Variants in RIMBP2 observed in about 807,000 individuals in gnomAD.
RIMBP2 encodes the protein RIMS binding protein 2.
A neutral mutation model predicts 118.6 loss-of-function variants in RIMBP2; 48 were observed. That is an observed-to-expected ratio of 0.40 (90% CI 0.32 to 0.51). The LOEUF is 0.51. Ranked by LOEUF, RIMBP2 falls within the 20% of genes least tolerant of loss-of-function variation. The pLI, the probability that RIMBP2 is intolerant of heterozygous loss-of-function variation, is 0.41. For synonymous variants in RIMBP2, 762 were observed against 742.9 expected (o/e 1.03, Z -0.42); for missense variants, 1,551 against 1,768.3 (o/e 0.88, Z 2.20).
At position 130,442,829 on chromosome 12, in the gene RIMBP2, C is replaced by G. The variant is rs929480557; in HGVS notation, c.692-169G>C. 1.3e-5 allele frequency among the ~76,000 whole-genome samples: 2 copies of G among 152,236 alleles called. No individual in the cohort carries two copies. Among genetic ancestry groups the G allele is most frequent in the Admixed American group, 6.5e-5 (1 of 15,282 alleles). On this transcript the variant is annotated intron_variant, in intron 10 of 22. Transcript: ENST00000690449. The surrounding 1 kb of genome is among the most constrained non-coding windows in gnomAD (Gnocchi z 6.9). ...ATGCTGGGGCCAGCTCCACACCCACCATCTAAAGAGCCAGCTCCTCCATCC... is the reference window on the plus strand; with the variant it reads ...ATGCTGGGGCCAGCTCCACACCCACGATCTAAAGAGCCAGCTCCTCCATCC...
rs374387548 is a variant in RIMBP2 at position 130,497,492 on chromosome 12, G to A, written c.-4+9156C>T. On this transcript the variant is annotated intron_variant, in intron 4 of 22. Transcript: ENST00000690449. ...CAGCTGTCGCTCTACCGCATCCGAC[G>A]AACAGAACTGTCTCACGGGCCATGG... 2.6e-4 allele frequency among the ~76,000 whole-genome samples: 39 copies of A among 152,296 alleles called. No individual in the cohort carries two copies. The South Asian group carries it at 6.6e-3, about 26-fold the overall frequency.
intron 1 of RIMBP2, among the ~76,000 whole-genome samples, chr12:130,677,890 C>T (rs1431109067): frequency 2.0e-5 from 3 of 152,252 alleles, no homozygotes; most frequent in African/African-American, 7.2e-5. Flanking sequence ...ATTTCTCCAT[C>T]GCACCCAGAT....
At chr12:130,425,178 C>T (rs1373410543) in intron 15 of RIMBP2, 6 of 246,478 alleles carry the variant, frequency 2.4e-5, no homozygotes, top group East Asian at 7.5e-5. Flanking sequence ...ACAGTGCCCA[C>T]GGTACCGCTG....
At chr12:130,411,705 G>A (rs2075729013) in intron 19 of RIMBP2, among the ~76,000 whole-genome samples, 2 of 152,136 alleles carry the variant, frequency 1.3e-5, no homozygotes, top group South Asian at 4.1e-4. Flanking sequence ...AGTGAGTAGA[G>A]GGGATAAAGG....
chr12:130,622,911 A>G lies in RIMBP2; in HGVS notation c.-217+5411T>C, dbSNP rs184210951. 3.3e-5 allele frequency among the ~76,000 whole-genome samples: 5 copies of G among 152,338 alleles called. No individual in the cohort carries two copies. The highest frequency in any genetic ancestry group is 2.0e-4 in the Admixed American group (3 of 15,308). Reference sequence around the variant, plus strand: ...GGCATCGAGTAAACAGTTCTTGCCTACTAAGCCCTGCAGGTAGGAACAAGA... The same window carrying G: ...GGCATCGAGTAAACAGTTCTTGCCTGCTAAGCCCTGCAGGTAGGAACAAGA... On this transcript the variant is annotated intron_variant, in intron 2 of 22. Transcript: ENST00000690449. This position sits in a 1 kb window ranked among gnomAD's most constrained non-coding sequence, Gnocchi z 8.5.
At chr12:130,537,793 G>A (rs999705419) in intron 2 of RIMBP2, among the ~76,000 whole-genome samples, 1 of 152,222 alleles carries the variant, frequency 6.6e-6, no homozygotes, top group African/African-American at 2.4e-5. Context: ...GAGGAAATGA[G>A]TTTGCCTATC....
intron 1 of RIMBP2, among the ~76,000 whole-genome samples, chr12:130,673,930 G>T (rs1478209918): frequency 7.0e-6 from 1 of 143,798 alleles, no homozygotes; most frequent in Non-Finnish European, 1.5e-5. Flanking sequence ...CCAACACGGT[G>T]AAACCCCATC....
chr12:130,494,514 C>T (rs2048951398), intron 4 of RIMBP2, among the ~76,000 whole-genome samples: 1 of 152,172 alleles, frequency 6.6e-6, no homozygotes, highest in Non-Finnish European at 1.5e-5. Context: ...TGGCAGGCAC[C>T]TGTAATCCCA....
At chr12:130,460,744 T>C (rs2079905771) in intron 6 of RIMBP2, among the ~76,000 whole-genome samples, 1 of 152,130 alleles carries the variant, frequency 6.6e-6, no homozygotes, top group African/African-American at 2.4e-5. Flanking sequence ...CCAGCCACTG[T>C]CCTTGCTTCC....
Position 130,527,002 on chromosome 12 carries a change from GT to G in RIMBP2, c.-216-9086del, listed in dbSNP as rs1184327456. Among the ~76,000 whole-genome samples, 5 of 152,186 alleles carry G rather than the reference GT, an allele frequency of 3.3e-5. No homozygotes were observed. In the South Asian group the frequency reaches 1.0e-3, roughly 32 times the overall value. On this transcript the variant is annotated intron_variant, in intron 2 of 22. Coordinates refer to ENST00000690449, the MANE Select transcript of RIMBP2 (RefSeq NM_001393629.1). ...GAAACCACAGGGTGGAAGGCGAGTGGTTGCTGCTGTCCAGGGTCCTGATGGT... is the reference window on the plus strand; with the variant it reads ...GAAACCACAGGGTGGAAGGCGAGTGGTGCTGCTGTCCAGGGTCCTGATGGT...
At chr12:130,562,556 T>C (rs929836084) in intron 2 of RIMBP2, among the ~76,000 whole-genome samples, 1 of 152,202 alleles carries the variant, frequency 6.6e-6, no homozygotes, top group South Asian at 2.1e-4. Flanking sequence ...GAAGCTCACA[T>C]AGAAGAAAGA....
Position 130,547,766 on chromosome 12 carries a change from A to G in RIMBP2, c.-216-29849T>C, listed in dbSNP as rs553213280. ...GGAGATCTCAGAGCAAAGCACGATC[A>G]CAGAAAACTGCCTACGCTCGTTCCC... On this transcript the variant is annotated intron_variant, in intron 2 of 22. Coordinates refer to ENST00000690449, the MANE Select transcript of RIMBP2 (RefSeq NM_001393629.1). Among the ~76,000 whole-genome samples, 373 of 152,362 alleles carry G rather than the reference A, an allele frequency of 2.4e-3. 2 individuals carry two copies. The highest frequency in any genetic ancestry group is 5.8e-3 in the Admixed American group (89 of 15,296).
intron 2 of RIMBP2, among the ~76,000 whole-genome samples, chr12:130,572,116 C>G (rs887504612): frequency 6.6e-6 from 1 of 152,204 alleles, no homozygotes; most frequent in African/African-American, 2.4e-5. Flanking sequence ...TGCTCCACCC[C>G]CAGTGCGTGA....
intron 2 of RIMBP2, among the ~76,000 whole-genome samples, chr12:130,560,156 C>T (rs573705219): frequency 1.3e-5 from 2 of 152,186 alleles, no homozygotes; most frequent in Non-Finnish European, 2.9e-5. Context: ...GTTCTAAAGG[C>T]AAAGTATTAT....
intron 2 of RIMBP2, among the ~76,000 whole-genome samples, chr12:130,536,549 A>C (rs1387888348): frequency 1.3e-5 from 2 of 152,094 alleles, no homozygotes; most frequent in Non-Finnish European, 2.9e-5. Flanking sequence ...GCCATAGTCA[A>C]CCCCTGGGCA....
intron 2 of RIMBP2, among the ~76,000 whole-genome samples, chr12:130,605,634 T>TA (rs2060137791): frequency 6.6e-6 from 1 of 152,090 alleles, no homozygotes; most frequent in African/African-American, 2.4e-5. Context: ...AATAACTCAG[T>TA]AAAAAAATAG....
chr12:130,405,314 G>A (rs1039665588), intron 21 of RIMBP2, among the ~76,000 whole-genome samples: 8 of 152,320 alleles, frequency 5.3e-5, no homozygotes, highest in Middle Eastern at 3.4e-3. Context: ...AGGCAGAGGA[G>A]AGAGCCTGGG....
At position 130,424,391 on chromosome 12, in the gene RIMBP2, C is replaced by T. The variant is rs1192956788; in HGVS notation, c.2880G>A (p.Arg960=). Residue 960 remains arginine, a synonymous_variant, in exon 16 of 23, where the codon CGG becomes CGA. Transcript: ENST00000690449. This position sits in a 1 kb window ranked among gnomAD's most constrained non-coding sequence, Gnocchi z 9.8. Reference sequence around the variant, plus strand: ...TGCTCTGCCGGGTCAGCGTCCGCCGCCGGGCCAGCAGCGGCCTCGGGCCCC... The same window carrying T: ...TGCTCTGCCGGGTCAGCGTCCGCCGTCGGGCCAGCAGCGGCCTCGGGCCCC... ...CRRGPRPLLA[R]RRTLTRQSSV... 4.1e-6 allele frequency: 5 copies of T among 1,232,614 alleles called. No homozygotes were observed. The highest frequency in any genetic ancestry group is 6.3e-5 in the East Asian group (2 of 31,708). 76.4% of individuals were successfully genotyped at this position (1,232,614 alleles called of 1,614,324 possible).
intron 1 of RIMBP2, among the ~76,000 whole-genome samples, chr12:130,691,935 T>C (rs1361216100): frequency 6.6e-6 from 1 of 152,096 alleles, no homozygotes; most frequent in East Asian, 1.9e-4. Context: ...GACGGGTTTC[T>C]AGAACGAGGA....
Sources: gnomAD v4.1 joint callset for allele counts (sites outside exome capture counted in the v4.1 genomes callset) on GRCh38, gnomAD v4.1.1 for gene constraint, Gnocchi (gnomAD v3.1) non-coding constraint, MANE v1.5 for transcripts, NCBI Gene and HGNC (gene_info 2026-07-23, HGNC 2026-07-21) for gene names.